The following RAB18 variants were observed in gnomAD, a reference collection of about 807,000 sequenced individuals.
RAB18 encodes RAB18, member RAS oncogene family, also known as ras-related protein Rab-18.
In RAB18, 10 loss-of-function variants were observed where a neutral mutation model predicts 28.5. The observed-to-expected ratio is 0.35, with a 90% CI of 0.22 to 0.60. RAB18 has a LOEUF of 0.60. Ranked by LOEUF, RAB18 falls within the 20% of genes least tolerant of loss-of-function variation. The pLI is 0.78. For synonymous variants in RAB18, 93 were observed against 86.9 expected, an observed-to-expected ratio of 1.07 and a Z score of -0.39; for missense variants, 188 against 244.2, an observed-to-expected ratio of 0.77 and a Z score of 1.53.
In RAB18 at chr10:27,526,697, A is replaced by G. The variant is rs1044340271; in HGVS notation, c.125-131A>G. ...AATGACACTTTTTATCTCCACATCC[A>G]GAATTCTAAGAAGTTGGGGTGTGAA... is the stretch of plus-strand genomic sequence containing the variant. On this transcript the variant is annotated intron_variant, in intron 2 of 6. Transcript: ENST00000356940. 5.7e-6 allele frequency: 6 copies of G among 1,061,598 alleles called. No homozygotes were observed. The Admixed American group carries it at 6.3e-5, about 11-fold the overall frequency. 65.8% of individuals were successfully genotyped at this position (1,061,598 alleles called of 1,614,324 possible).
At chr10:27,504,523 G>GTA in intron 1 of RAB18, 86 bp downstream of exon 1, 4 of 1,435,534 alleles carry the variant, frequency 2.8e-6, no homozygotes, top group Non-Finnish European at 3.8e-6. Context: ...GACGGGAACT[G>GTA]TAAACTGCAG....
At chr10:27,531,539 A>G in intron 3 of RAB18, 1 of 1,496,198 alleles carries the variant, frequency 6.7e-7, no homozygotes. Flanking sequence ...GTTACTTTGC[A>G]TCAGCAGACT....
intron 4 of RAB18, among the ~76,000 whole-genome samples, 186 bp from the exon 5 acceptor site, chr10:27,533,549 T>A (rs1834829615): frequency 6.7e-6 from 1 of 148,580 alleles, no homozygotes; most frequent in African/African-American, 2.5e-5. Flanking sequence ...GAAATGTGTA[T>A]GCTTTAAAAA....
chr10:27,528,646 A>G (rs868090786), intron 3 of RAB18, among the ~76,000 whole-genome samples: 16 of 152,068 alleles, frequency 1.1e-4, no homozygotes, highest in Non-Finnish European at 2.4e-4. Flanking sequence ...GTCAGCCTTC[A>G]GTGAGAGATA....
intron 2 of RAB18, among the ~76,000 whole-genome samples, chr10:27,515,450 T>G (rs1834419179): frequency 6.6e-6 from 1 of 152,238 alleles, no homozygotes; most frequent in Non-Finnish European, 1.5e-5. Context: ...TCTTAATCTA[T>G]TTTAAGACTT....
intron 4 of RAB18, 117 bp downstream of exon 4, chr10:27,532,696 C>G: frequency 1.3e-6 from 1 of 750,050 alleles, no homozygotes. Context: ...TTTTATGTAA[C>G]TTGTAGTTGT....
chr10:27,526,292 A>C (rs1395828282), intron 2 of RAB18, among the ~76,000 whole-genome samples: 1 of 152,224 alleles, frequency 6.6e-6, no homozygotes. Flanking sequence ...TTACATAAAA[A>C]TAGTATTTTT....
At chr10:27,507,509 A>G (rs1837870573) in intron 1 of RAB18, among the ~76,000 whole-genome samples, 1 of 151,188 alleles carries the variant, frequency 6.6e-6, no homozygotes, top group Non-Finnish European at 1.5e-5. Context: ...GAGACCTATT[A>G]TCTAAATTGC....
In RAB18 at chr10:27,539,632, G is replaced by A. The variant is rs200496365; in HGVS notation, c.*1581G>A. ...TAAAACTTGAGATTTGTGTATTTAT[G>A]TAGAGTCTGTATTGACAAGACTGTT... On this transcript the variant is annotated 3_prime_UTR_variant, in exon 7 of 7. Coordinates refer to ENST00000356940, the MANE Select transcript of RAB18 (RefSeq NM_021252.5). The A allele has an allele frequency of 7.3e-5, 33 of 452,870 alleles. 1 individual carries two copies. In the East Asian group the frequency reaches 1.8e-3, roughly 25 times the overall value. 28.1% of individuals were successfully genotyped at this position (452,870 alleles called of 1,614,324 possible). A position where few individuals can be genotyped will look rare whatever the true frequency, so the allele number is the denominator to read the frequency against.
At chr10:27,532,122 A>AT (rs1193799643) in intron 3 of RAB18, among the ~76,000 whole-genome samples, 2 of 149,670 alleles carry the variant, frequency 1.3e-5, no homozygotes, top group East Asian at 4.4e-4. Context: ...ACCTGGTAAG[A>AT]TTTAAAAAAA....
chr10:27,540,044 G>A lies in RAB18; in HGVS notation c.*1993G>A, dbSNP rs2132419374. 2.2e-6 allele frequency: 1 copy of A among 453,996 alleles called. No individual in the cohort carries two copies. The highest frequency in any genetic ancestry group is 2.0e-5 in the African/African-American group (1 of 50,094). The allele number at this position is 453,996 out of a possible 1,614,324, so 28.1% of individuals were successfully genotyped here. A position where few individuals can be genotyped will look rare whatever the true frequency, so the allele number is the denominator to read the frequency against. The stretch of plus-strand genomic sequence containing the variant: ...GTTAATTCTTTTCAGAATCATTGAA[G>A]CAGTCTTAAAGGGTCTTTTGCAGAT... On this transcript the variant is annotated 3_prime_UTR_variant, in exon 7 of 7. Coordinates refer to ENST00000356940, the MANE Select transcript of RAB18 (RefSeq NM_021252.5).
chr10:27,516,716 G>A (rs745315371), intron 2 of RAB18, among the ~76,000 whole-genome samples: 16 of 152,010 alleles, frequency 1.1e-4, no homozygotes, highest in Admixed American at 2.0e-4. Flanking sequence ...CCACAGATTT[G>A]ACCTGAATGT....
chr10:27,508,784 C>T (rs1453717036), intron 1 of RAB18, among the ~76,000 whole-genome samples: 1 of 152,136 alleles, frequency 6.6e-6, no homozygotes, highest in Non-Finnish European at 1.5e-5. Flanking sequence ...TTTGCAGAAA[C>T]TCTATGGACA....
At chr10:27,523,940 G>C (rs1157132984) in intron 2 of RAB18, among the ~76,000 whole-genome samples, 1 of 151,808 alleles carries the variant, frequency 6.6e-6, no homozygotes, top group Non-Finnish European at 1.5e-5. Flanking sequence ...TTAGCCGGGC[G>C]TGGTGGCAGG....
intron 4 of RAB18, among the ~76,000 whole-genome samples, chr10:27,533,081 A>G (rs1018324500): frequency 3.3e-5 from 5 of 152,074 alleles, no homozygotes; most frequent in Non-Finnish European, 7.4e-5. Flanking sequence ...TTCCTGGGAA[A>G]CTGTTTAAAA....
chr10:27,508,038 T>A (rs989739884), intron 1 of RAB18, among the ~76,000 whole-genome samples: 101 of 125,310 alleles, frequency 8.1e-4, no homozygotes, highest in Admixed American at 2.3e-3. Context: ...AAAAAAAAAG[T>A]GTGCTTCTTA....
chr10:27,504,821 C>G, intron 1 of RAB18: 1 of 480,568 alleles, frequency 2.1e-6, no homozygotes, highest in Admixed American at 2.6e-5. Flanking sequence ...AGGCTGCCTG[C>G]CACCCCGAGA....
chr10:27,524,210 G>A (rs1042528957), intron 2 of RAB18, among the ~76,000 whole-genome samples: 5 of 152,204 alleles, frequency 3.3e-5, no homozygotes, highest in African/African-American at 7.2e-5. Context: ...AATTACAGGC[G>A]TGAGCCACTG....
intron 2 of RAB18, among the ~76,000 whole-genome samples, chr10:27,518,311 G>T (rs1380349140): frequency 1.3e-5 from 2 of 152,100 alleles, no homozygotes; most frequent in African/African-American, 4.8e-5. Flanking sequence ...AAAACAGTTT[G>T]GCCATATTTT....
Sources: gnomAD v4.1 joint callset for allele counts (sites outside exome capture counted in the v4.1 genomes callset) on GRCh38, gnomAD v4.1.1 for gene constraint, MANE v1.5 for transcripts, NCBI Gene and HGNC (gene_info 2026-07-23, HGNC 2026-07-21) for gene names.